CAMKK2: variants seen among roughly 807,000 people sequenced by gnomAD.
The protein encoded by CAMKK2 is calcium/calmodulin dependent protein kinase kinase 2, also known as calcium/calmodulin-dependent protein kinase kinase 2.
A neutral mutation model predicts 67.2 loss-of-function variants in CAMKK2; 30 were observed. That is an observed-to-expected ratio of 0.45 (90% CI 0.33 to 0.61). The LOEUF is 0.61. Among genes scored for constraint, CAMKK2 ranks in the 20% least tolerant of loss-of-function variants. The pLI, the probability that CAMKK2 is intolerant of heterozygous loss-of-function variation, is 0.02. For synonymous variants in CAMKK2, 322 were observed against 326.2 expected, an observed-to-expected ratio of 0.99 and a Z score of 0.14; for missense variants, 643 against 802.0, an observed-to-expected ratio of 0.80 and a Z score of 2.39.
intron 1 of CAMKK2, among the ~76,000 whole-genome samples, chr12:121,282,129 G>A (rs1206451604): frequency 6.6e-6 from 1 of 152,156 alleles, no homozygotes; most frequent in Non-Finnish European, 1.5e-5. Context: ...GATACTAAAG[G>A]AGCAGGAACT....
At chr12:121,277,676 T>C (rs192259133) in intron 1 of CAMKK2, among the ~76,000 whole-genome samples, 1 of 152,236 alleles carries the variant, frequency 6.6e-6, no homozygotes, top group East Asian at 1.9e-4. Context: ...TCTAGAATAG[T>C]CAAATTCAGG....
At chr12:121,262,527 T>G (rs1017634217) in intron 6 of CAMKK2, among the ~76,000 whole-genome samples, 1 of 151,662 alleles carries the variant, frequency 6.6e-6, no homozygotes, top group Non-Finnish European at 1.5e-5. Context: ...AAAAAAAATG[T>G]ATTACTCATG....
rs770711555 is a variant in CAMKK2 at position 121,263,949 on chromosome 12, A to T, written c.626-10T>A. 1 of 1,587,962 alleles carries T rather than the reference A, an allele frequency of 6.3e-7. No individual in the cohort carries two copies. Among genetic ancestry groups the T allele is most frequent in the Non-Finnish European group, 8.6e-7 (1 of 1,163,774 alleles). On this transcript the variant is annotated splice_polypyrimidine_tract_variant and intron_variant, in intron 5 of 16. Coordinates refer to ENST00000404169, the MANE Select transcript of CAMKK2 (RefSeq NM_001270485.2). ...CGGGGTGGAGGGCGACCTGAAGGAA[A>T]CAAAAACAGACCCAGGGTCAGGGCA...
chr12:121,258,138 C>T (rs1223694796), intron 7 of CAMKK2, among the ~76,000 whole-genome samples: 6 of 151,264 alleles, frequency 4.0e-5, no homozygotes, highest in African/African-American at 1.5e-4. Context: ...GATTCTCCTG[C>T]TTCACCCTCC....
chr12:121,244,571 A>G lies in CAMKK2; in HGVS notation c.1596+2T>C, dbSNP rs1044765971. ...GCTACGGCACAGGCAGGCGGGCGTTACCTTGAGCTCAGACAGGGACTCACA... is the reference window on the plus strand; with the variant it reads ...GCTACGGCACAGGCAGGCGGGCGTTGCCTTGAGCTCAGACAGGGACTCACA... On this transcript the variant is annotated splice_donor_variant, in intron 16 of 16. Coordinates refer to ENST00000404169, the MANE Select transcript of CAMKK2 (RefSeq NM_001270485.2). LOFTEE classifies it high-confidence loss of function. 6.4e-7 allele frequency: 1 copy of G among 1,558,612 alleles called. No homozygotes were observed. The highest frequency in any genetic ancestry group is 8.7e-7 in the Non-Finnish European group (1 of 1,151,066).
Position 121,240,743 on chromosome 12 carries a change from G to C in CAMKK2, c.1723C>G (p.Arg575Gly). Residue 575 changes from arginine to glycine, a missense_variant, in exon 17 of 17, where the codon CGC becomes GGC. Arg to Gly is a moderately radical substitution (Grantham distance 125). Around this residue, in one of 3 missense-constraint regions of CAMKK2, gnomAD observed 140 missense variants for 124.2 expected, o/e 1.13. Transcript: ENST00000404169. This position sits in a 1 kb window ranked among gnomAD's most constrained non-coding sequence, Gnocchi z 4.4. ...CWAPAPGSPA[R>G]MHPLRPEEAM... ...TCCTCCGGCCGCAGTGGATGCATGC[G>C]TGCGGGGGAGCCGGGGGCGGGGGCC... 1 of 1,608,952 alleles carries C rather than the reference G, an allele frequency of 6.2e-7. No homozygotes were observed.
In CAMKK2 at chr12:121,245,608, C is replaced by T. The variant is rs934705664; in HGVS notation, c.1453-368G>A. ...TTGGCCTGTGGTCAGCCAGAGAGCC[C>T]CGGAAAGTTCTGGAGCAAGGACGTG... On this transcript the variant is annotated intron_variant, in intron 14 of 16. Transcript: ENST00000404169. The surrounding 1 kb of genome is among the most constrained non-coding windows in gnomAD (Gnocchi z 5.8). 7.2e-5 allele frequency among the ~76,000 whole-genome samples: 11 copies of T among 152,268 alleles called. 1 individual carries two copies. Among genetic ancestry groups the T allele is most frequent in the Admixed American group, 7.2e-4 (11 of 15,292 alleles).
intron 6 of CAMKK2, among the ~76,000 whole-genome samples, chr12:121,263,470 T>C (rs1040795720): frequency 6.4e-4 from 97 of 152,288 alleles, no homozygotes; most frequent in African/African-American, 2.3e-3. Flanking sequence ...ATCATGTGTG[T>C]GGCTGCTTTT....
chr12:121,239,688 G>C lies in CAMKK2; in HGVS notation c.*1011C>G, dbSNP rs1202053249. On this transcript the variant is annotated 3_prime_UTR_variant, in exon 17 of 17. Transcript: ENST00000404169. ...GCAGTCTTTAGAATATACAGGTTATGAACTAGCTAAGCTGCTAATATATAT... is the reference window on the plus strand; with the variant it reads ...GCAGTCTTTAGAATATACAGGTTATCAACTAGCTAAGCTGCTAATATATAT... The C allele has an allele frequency of 6.6e-6, 1 of 152,174 alleles. No homozygotes were observed. Among genetic ancestry groups the C allele is most frequent in the East Asian group, 1.9e-4 (1 of 5,200 alleles). 9.4% of individuals were successfully genotyped at this position (152,174 alleles called of 1,614,324 possible).
Position 121,274,497 on chromosome 12 carries a change from G to C in CAMKK2, c.30C>G (p.Ser10Arg). MSSCVSSQP[S>R]SNRAAPQDEL... ...CATCCTGGGGGGCGGCCCGGTTGCT[G>C]CTGGGCTGGCTAGAGACACATGATG... The change falls in exon 2 of 17, where the codon AGC becomes AGG. Residue 10 changes from serine to arginine, a missense_variant. By Grantham distance (110) the Ser-to-Arg change is moderately radical. Transcript: ENST00000404169. 6.2e-7 allele frequency: 1 copy of C among 1,612,154 alleles called. No individual in the cohort carries two copies.
Position 121,263,941 on chromosome 12 carries a change from T to C in CAMKK2, c.626-2A>G. Reference sequence around the variant, plus strand: ...GGGTGCCTCGGGGTGGAGGGCGACCTGAAGGAAACAAAAACAGACCCAGGG... The same window carrying C: ...GGGTGCCTCGGGGTGGAGGGCGACCCGAAGGAAACAAAAACAGACCCAGGG... On this transcript the variant is annotated splice_acceptor_variant, in intron 5 of 16. Transcript: ENST00000404169. LOFTEE classifies it high-confidence loss of function. 1 of 1,594,298 alleles carries C rather than the reference T, an allele frequency of 6.3e-7. No individual in the cohort carries two copies. Among genetic ancestry groups the C allele is most frequent in the Non-Finnish European group, 8.6e-7 (1 of 1,167,164 alleles).
intron 1 of CAMKK2, among the ~76,000 whole-genome samples, chr12:121,289,800 C>T (rs1036975044): frequency 6.6e-6 from 1 of 150,980 alleles, no homozygotes; most frequent in African/African-American, 2.4e-5. Flanking sequence ...GGTTGAGGCA[C>T]GACAATCGCC....
intron 12 of CAMKK2, 37 bp from the exon 13 acceptor site, chr12:121,249,911 ACCG>A (rs1184050476): frequency 6.2e-7 from 1 of 1,611,616 alleles, no homozygotes; most frequent in East Asian, 2.2e-5. Flanking sequence ...CAGACACGGG[ACCG>A]CCAAGAACTC....
intron 1 of CAMKK2, 40 bp from the exon 2 acceptor site, chr12:121,274,625 G>A: frequency 1.3e-6 from 1 of 782,350 alleles, no homozygotes; most frequent in Non-Finnish European, 2.0e-6. Flanking sequence ...AGCTCCTACG[G>A]GCAGGGACAG....
In CAMKK2 at chr12:121,252,536, G is replaced by A. The variant is rs928662298; in HGVS notation, c.1161+125C>T. 3 of 846,714 alleles carry A rather than the reference G, an allele frequency of 3.5e-6. No homozygotes were observed. The Admixed American group carries it at 6.7e-5, about 19-fold the overall frequency. 52.5% of individuals were successfully genotyped at this position (846,714 alleles called of 1,614,324 possible). A position where few individuals can be genotyped will look rare whatever the true frequency, so the allele number is the denominator to read the frequency against. ...GCCTCCCAAAGTGCTGGGTTTACAG[G>A]CGTGAGCCACCATGCCCAGCCTAAA... On this transcript the variant is annotated intron_variant, in intron 11 of 16. Transcript: ENST00000404169.
intron 1 of CAMKK2, among the ~76,000 whole-genome samples, chr12:121,295,047 G>A (rs1900862955): frequency 1.3e-5 from 2 of 152,110 alleles, no homozygotes; most frequent in South Asian, 4.1e-4. Flanking sequence ...GTGGGCGCCT[G>A]TAATCCCAGC....
intron 16 of CAMKK2, among the ~76,000 whole-genome samples, chr12:121,241,512 G>C (rs1422564099): frequency 6.6e-6 from 1 of 152,252 alleles, no homozygotes; most frequent in African/African-American, 2.4e-5. Context: ...GAAGAGCCCA[G>C]GCTGGAGCCG....
At chr12:121,288,283 G>A (rs756124352) in intron 1 of CAMKK2, among the ~76,000 whole-genome samples, 38 of 152,278 alleles carry the variant, frequency 2.5e-4, no homozygotes, top group Middle Eastern at 6.8e-3. Context: ...GGGCCAGCTC[G>A]AAACCCACAG....
intron 1 of CAMKK2, among the ~76,000 whole-genome samples, chr12:121,288,039 G>A (rs990993941): frequency 6.6e-6 from 1 of 152,162 alleles, no homozygotes; most frequent in African/African-American, 2.4e-5. Flanking sequence ...CCCCAGCCTT[G>A]AAGTGTGAGG....
Sources: allele counts gnomAD v4.1 joint callset (sites outside exome capture counted in the v4.1 genomes callset), GRCh38; gene constraint gnomAD v4.1.1; regional missense constraint gnomAD v4.1.1; non-coding constraint Gnocchi (gnomAD v3.1); transcripts MANE v1.5; gene names NCBI Gene and HGNC (gene_info 2026-07-23, HGNC 2026-07-21).